Variants in CIRSR observed in about 807,000 individuals in gnomAD.
The protein encoded by CIRSR is CBF1 (RBPJ) interacting corepressor 1.
the CIRSR span, chr2:174,351,573 T>G: frequency 6.7e-7 from 1 of 1,481,576 alleles, no homozygotes. Context: ...AGCAATCACA[T>G]TTAGATTTAT....
chr2:174,384,652 T>C, the CIRSR span, among the ~76,000 whole-genome samples: 5 of 152,098 alleles, frequency 3.3e-5, no homozygotes, highest in African/African-American at 1.2e-4. Flanking sequence ...CTCAAACTCC[T>C]GGACTCAAGC....
At chr2:174,393,528 T>C in the CIRSR span, among the ~76,000 whole-genome samples, 3 of 151,910 alleles carry the variant, frequency 2.0e-5, no homozygotes, top group Non-Finnish European at 4.4e-5. Context: ...TCTTTTTAAA[T>C]ATAGATGGGG....
At chr2:174,375,173 G>C in the CIRSR span, among the ~76,000 whole-genome samples, 1 of 152,114 alleles carries the variant, frequency 6.6e-6, no homozygotes, top group East Asian at 1.9e-4. Context: ...TTGAAAATCT[G>C]CCTTATCACT....
the CIRSR span, among the ~76,000 whole-genome samples, chr2:174,362,276 G>A: frequency 6.6e-5 from 10 of 151,044 alleles, no homozygotes; most frequent in Non-Finnish European, 8.9e-5. Context: ...ACTGCACTCC[G>A]GCCTGGGGGA....
the CIRSR span, among the ~76,000 whole-genome samples, chr2:174,353,034 A>C: frequency 2.6e-5 from 4 of 152,206 alleles, no homozygotes; most frequent in African/African-American, 7.2e-5. Context: ...GATGTGGTTA[A>C]AAATTTGGTG....
chr2:174,349,702 T>G, the CIRSR span, among the ~76,000 whole-genome samples: 2 of 152,094 alleles, frequency 1.3e-5, no homozygotes, highest in Non-Finnish European at 2.9e-5. Flanking sequence ...ATCAAGCCAA[T>G]TTTCTGACTA....
the CIRSR span, among the ~76,000 whole-genome samples, chr2:174,394,098 C>T: frequency 6.6e-6 from 1 of 152,180 alleles, no homozygotes; most frequent in Non-Finnish European, 1.5e-5. Context: ...CCTATAACTG[C>T]TTTACTGAAT....
the CIRSR span, chr2:174,348,444 TA>T: frequency 6.5e-7 from 1 of 1,531,476 alleles, no homozygotes; most frequent in African/African-American, 1.4e-5. Context: ...AAAGTGGAGA[TA>T]TTTTTATTCC....
the CIRSR span, among the ~76,000 whole-genome samples, chr2:174,395,134 C>T: frequency 6.6e-6 from 1 of 152,114 alleles, no homozygotes; most frequent in African/African-American, 2.4e-5. Flanking sequence ...ATCAAAAAGA[C>T]ACTAGATTAT....
At chr2:174,362,128 TAAATTTTTTTAC>T in the CIRSR span, among the ~76,000 whole-genome samples, 1 of 152,044 alleles carries the variant, frequency 6.6e-6, no homozygotes, top group Non-Finnish European at 1.5e-5. Context: ...TGAGAGCCTG[TAAATTTTTTTAC>T]AAAAAAAAAT....
At chr2:174,348,781 T>C in the CIRSR span, 1 of 1,614,232 alleles carries the variant, frequency 6.2e-7, no homozygotes, top group Non-Finnish European at 8.5e-7. Flanking sequence ...CTGGACTTTT[T>C]GTCAGAATCA....
chr2:174,354,756 T>TTA, the CIRSR span, among the ~76,000 whole-genome samples: 8 of 91,218 alleles, frequency 8.8e-5, no homozygotes, highest in African/African-American at 2.2e-4. Context: ...TGTATATATA[T>TTA]TATATATATA....
At chr2:174,387,887 G>A in the CIRSR span, 1 of 947,586 alleles carries the variant, frequency 1.1e-6, no homozygotes, top group Non-Finnish European at 1.5e-6. Flanking sequence ...AAGCAGGAGT[G>A]CCCAATCTTT....
At chr2:174,361,783 T>C in the CIRSR span, among the ~76,000 whole-genome samples, 1 of 152,222 alleles carries the variant, frequency 6.6e-6, no homozygotes, top group African/African-American at 2.4e-5. Flanking sequence ...ATAGAAACAT[T>C]TGAGGCATTA....
At chr2:174,387,786 T>A in the CIRSR span, 1 of 1,566,994 alleles carries the variant, frequency 6.4e-7, no homozygotes, top group Non-Finnish European at 8.6e-7. Context: ...ATACCTAGAT[T>A]AGTGAAGTAA....
the CIRSR span, among the ~76,000 whole-genome samples, chr2:174,354,705 TATATA>T: frequency 2.4e-4 from 25 of 104,252 alleles, no homozygotes; most frequent in South Asian, 3.3e-3. Context: ...ACATATATTA[TATATA>T]ATATAATATA....
At chr2:174,376,810 A>G in the CIRSR span, among the ~76,000 whole-genome samples, 1 of 148,238 alleles carries the variant, frequency 6.7e-6, no homozygotes, top group Non-Finnish European at 1.5e-5. Context: ...GGAAAAAAAA[A>G]AAAAAAAAAA....
the CIRSR span, among the ~76,000 whole-genome samples, chr2:174,354,995 A>AT: frequency 2.6e-5 from 4 of 151,030 alleles, no homozygotes; most frequent in South Asian, 2.1e-4. Flanking sequence ...TCTTATTCAC[A>AT]TTTTTTTTAT....
the CIRSR span, among the ~76,000 whole-genome samples, chr2:174,376,051 G>C: frequency 6.6e-6 from 1 of 152,030 alleles, no homozygotes; most frequent in African/African-American, 2.4e-5. Context: ...TGTAGAGATG[G>C]GGTTTCATCA....
Sources: allele counts gnomAD v4.1 joint callset (sites outside exome capture counted in the v4.1 genomes callset), GRCh38; gene constraint gnomAD v4.1.1; transcripts MANE v1.5; gene names NCBI Gene and HGNC (gene_info 2026-07-23, HGNC 2026-07-21).